PRELID2: variants seen among roughly 807,000 people sequenced by gnomAD.
PRELID2 encodes PRELI domain-containing protein 2.
PRELID2 carries 25 observed loss-of-function variants against 28.4 expected under a neutral mutation model. That is an observed-to-expected ratio of 0.88 (90% confidence interval 0.64 to 1.23). The LOEUF is 1.23. Among genes scored for constraint, PRELID2 ranks in the 50% most tolerant of loss-of-function variants. The pLI is 0.00. For missense variants in PRELID2, 201 were observed against 214.4 expected (o/e 0.94, Z 0.39); for synonymous variants, 76 against 71.6 (o/e 1.06, Z -0.31).
intron 1 of PRELID2, among the ~76,000 whole-genome samples, chr5:145,575,240 G>C (rs1378412626): frequency 6.6e-6 from 1 of 152,138 alleles, no homozygotes; most frequent in African/African-American, 2.4e-5. Context: ...ACTACCTGCT[G>C]ATACTCAGGT....
At chr5:145,317,240 G>T in the PRELID2 span, among the ~76,000 whole-genome samples, 1 of 152,180 alleles carries the variant, frequency 6.6e-6, no homozygotes, top group African/African-American at 2.4e-5. Flanking sequence ...CATTTACTAA[G>T]AACCACGGAA....
chr5:145,399,614 T>C, the PRELID2 span, among the ~76,000 whole-genome samples: 1 of 152,130 alleles, frequency 6.6e-6, no homozygotes, highest in Non-Finnish European at 1.5e-5. Flanking sequence ...TTGTAATAAC[T>C]AACCCTACAG....
At chr5:145,457,920 C>T in the PRELID2 span, among the ~76,000 whole-genome samples, 4 of 152,168 alleles carry the variant, frequency 2.6e-5, no homozygotes, top group East Asian at 7.7e-4. Flanking sequence ...CAAACCTCCA[C>T]CTTCCAAAAT....
At chr5:145,397,062 A>T in the PRELID2 span, among the ~76,000 whole-genome samples, 1 of 152,104 alleles carries the variant, frequency 6.6e-6, no homozygotes, top group African/African-American at 2.4e-5. Context: ...GCTATTCTTA[A>T]TACCTACCAC....
intron 1 of PRELID2, among the ~76,000 whole-genome samples, chr5:145,502,656 T>C (rs1752369863): frequency 6.6e-6 from 1 of 152,120 alleles, no homozygotes; most frequent in South Asian, 2.1e-4. Flanking sequence ...CCACGTCTCA[T>C]TCATCTCTTT....
At chr5:145,381,966 T>A in the PRELID2 span, among the ~76,000 whole-genome samples, 4 of 151,802 alleles carry the variant, frequency 2.6e-5, 1 homozygote, top group Admixed American at 2.6e-4. Flanking sequence ...GTTTTTTTTT[T>A]TTTAATTTAG....
At chr5:145,457,291 G>C in the PRELID2 span, among the ~76,000 whole-genome samples, 1 of 152,108 alleles carries the variant, frequency 6.6e-6, no homozygotes, top group Non-Finnish European at 1.5e-5. Flanking sequence ...TCACAGAGTC[G>C]CTGTGAGGAC....
intron 1 of PRELID2, among the ~76,000 whole-genome samples, chr5:145,480,127 C>T (rs1752143223): frequency 6.6e-6 from 1 of 152,128 alleles, no homozygotes; most frequent in Non-Finnish European, 1.5e-5. Flanking sequence ...TCAATTTACC[C>T]AGTTTGTCAG....
At chr5:145,628,604 A>C (rs1338681559) in intron 1 of PRELID2, among the ~76,000 whole-genome samples, 2 of 152,142 alleles carry the variant, frequency 1.3e-5, no homozygotes, top group Non-Finnish European at 2.9e-5. Flanking sequence ...GATTATAGGC[A>C]TGAGCCACCG....
intron 5 of PRELID2, among the ~76,000 whole-genome samples, chr5:145,767,895 A>G (rs1251941691): frequency 6.6e-6 from 1 of 152,190 alleles, no homozygotes; most frequent in Non-Finnish European, 1.5e-5. Context: ...CTGAAGATAT[A>G]GTATATACTA....
At chr5:145,469,375 G>T (rs1580948778), downstream of PRELID2, among the ~76,000 whole-genome samples, 3 of 152,078 alleles carry the variant, frequency 2.0e-5, no homozygotes, top group East Asian at 5.8e-4. Context: ...AAACAGAAGG[G>T]TCCTTTACCT....
intron 1 of PRELID2, chr5:145,728,388 T>C (rs745684014): frequency 4.8e-5 from 23 of 476,332 alleles, no homozygotes; most frequent in Non-Finnish European, 8.5e-5. Flanking sequence ...TTTATGGCCC[T>C]GGGTAGAGCT....
At chr5:145,380,605 A>G in the PRELID2 span, among the ~76,000 whole-genome samples, 4 of 152,184 alleles carry the variant, frequency 2.6e-5, no homozygotes, top group East Asian at 3.8e-4. Flanking sequence ...TACATTTTAC[A>G]TATTTTTTCT....
At chr5:145,307,706 GA>G in the PRELID2 span, among the ~76,000 whole-genome samples, 1 of 152,024 alleles carries the variant, frequency 6.6e-6, no homozygotes, top group Non-Finnish European at 1.5e-5. Flanking sequence ...GGAGAGAGAT[GA>G]TCTGAGAGCT....
chr5:145,746,996 G>C lies in PRELID2; in HGVS notation n.70+17935C>G, dbSNP rs572387600. The stretch of plus-strand genomic sequence containing the variant: ...TCTTTGAAACCAATGAGAACAAAGA[G>C]ACAATGAACCAGAATCTCTGGGACA... On this transcript the variant is annotated intron_variant and non_coding_transcript_variant, in intron 1 of 2. Coordinates refer to the PRELID2 transcript ENST00000510259. Among the ~76,000 whole-genome samples, 9 of 152,204 alleles carry C rather than the reference G, an allele frequency of 5.9e-5. No individual in the cohort carries two copies. The South Asian group carries it at 1.5e-3, about 25-fold the overall frequency.
chr5:145,808,689 G>A (rs762134935), intron 4 of PRELID2, among the ~76,000 whole-genome samples: 2 of 151,858 alleles, frequency 1.3e-5, no homozygotes, highest in Non-Finnish European at 2.9e-5. Context: ...GTTCAAGACC[G>A]GCTGGACAAC....
In PRELID2 at chr5:145,640,210, G is replaced by T. The variant is rs549894715; in HGVS notation, n.70+124721C>A. Among the ~76,000 whole-genome samples the T allele has an allele frequency of 2.0e-5, 3 of 152,076 alleles. No homozygotes were observed. The South Asian group carries it at 6.2e-4, about 32-fold the overall frequency. The stretch of plus-strand genomic sequence containing the variant: ...ATACAAAAAAATTGGCCGGCGGCCG[G>T]GCGCGGTGGCTCACGCCTGTAATCC... On this transcript the variant is annotated intron_variant and non_coding_transcript_variant, in intron 1 of 2. Transcript: ENST00000510259.
chr5:145,739,873 T>A lies in PRELID2; in HGVS notation n.70+25058A>T, dbSNP rs774005988. On this transcript the variant is annotated intron_variant and non_coding_transcript_variant, in intron 1 of 2. Coordinates refer to the PRELID2 transcript ENST00000510259. ...ATTTACTCAAAACCATTATGTAAAT[T>A]AATCAAATTATAAAATGTATCCAAA... 2.6e-4 allele frequency among the ~76,000 whole-genome samples: 39 copies of A among 151,598 alleles called. 1 individual carries two copies. The highest frequency in any genetic ancestry group is 4.2e-4 in the South Asian group (2 of 4,802).
In PRELID2 at chr5:145,740,959, T is replaced by G. The variant is rs1429657535; in HGVS notation, n.70+23972A>C. On this transcript the variant is annotated intron_variant and non_coding_transcript_variant, in intron 1 of 2. Coordinates refer to the PRELID2 transcript ENST00000510259. ...ATATGTACATATATTTATCTATAAA[T>G]AAAGTATATATTATATATTTGTGTA... 7.2e-4 allele frequency among the ~76,000 whole-genome samples: 76 copies of G among 105,834 alleles called. 9 individuals carry two copies. Among genetic ancestry groups the G allele is most frequent in the African/African-American group, 2.7e-3 (74 of 27,706 alleles). 69.4% of individuals were successfully genotyped at this position (105,834 alleles called of 152,430 possible).
Sources: allele counts gnomAD v4.1 joint callset (sites outside exome capture counted in the v4.1 genomes callset), GRCh38; gene constraint gnomAD v4.1.1; transcripts MANE v1.5; gene names NCBI Gene and HGNC (gene_info 2026-07-23, HGNC 2026-07-21).